The following SGCD variants were observed in gnomAD, a reference collection of about 807,000 sequenced individuals.
SGCD encodes the protein sarcoglycan delta.
SGCD carries 18 observed loss-of-function variants against 36.6 expected under a neutral mutation model. The observed-to-expected ratio is 0.49, with a 90% CI of 0.34 to 0.73. The LOEUF (loss-of-function observed/expected upper bound fraction) is 0.73. Among genes scored for constraint, SGCD ranks in the 30% least tolerant of loss-of-function variants. The pLI is 0.01. For synonymous variants in SGCD, 133 were observed against 130.6 expected (o/e 1.02, Z -0.12); for missense variants, 387 against 346.7 (o/e 1.12, Z -0.92).
intron 3 of SGCD, among the ~76,000 whole-genome samples, chr5:156,169,278 C>T (rs1328028133): frequency 1.3e-5 from 2 of 152,146 alleles, no homozygotes; most frequent in Admixed American, 1.3e-4. Context: ...CCTCTTGGGC[C>T]CCGATGCTCT....
intron 6 of SGCD, among the ~76,000 whole-genome samples, chr5:156,615,324 A>G (rs1761979095): frequency 6.6e-6 from 1 of 152,246 alleles, no homozygotes; most frequent in South Asian, 2.1e-4. Flanking sequence ...AGTTGTATTT[A>G]TACTGTAGAT....
chr5:156,583,184 C>T (rs1340708921), intron 4 of SGCD, among the ~76,000 whole-genome samples: 1 of 152,118 alleles, frequency 6.6e-6, no homozygotes, highest in African/African-American at 2.4e-5. Context: ...GAAGGCAATG[C>T]CAACTGTGCA....
intron 4 of SGCD, among the ~76,000 whole-genome samples, chr5:156,527,647 T>G (rs1757699098): frequency 6.6e-6 from 1 of 152,250 alleles, no homozygotes; most frequent in Non-Finnish European, 1.5e-5. Context: ...AAGCTGGATC[T>G]GGATATAATC....
chr5:156,384,246 G>A (rs554040854), intron 3 of SGCD, among the ~76,000 whole-genome samples: 6 of 152,118 alleles, frequency 3.9e-5, no homozygotes, highest in Middle Eastern at 3.2e-3. Flanking sequence ...TTCCTACTTC[G>A]TTAGTCTACT....
At chr5:155,867,916 C>T (rs1003287577), upstream of SGCD, among the ~76,000 whole-genome samples, 4 of 152,164 alleles carry the variant, frequency 2.6e-5, no homozygotes, top group African/African-American at 9.7e-5. Context: ...TGAGTCAGTC[C>T]TGGATCCCCA....
intron 3 of SGCD, among the ~76,000 whole-genome samples, chr5:156,503,378 C>T (rs1756540637): frequency 6.6e-6 from 1 of 152,016 alleles, no homozygotes; most frequent in Non-Finnish European, 1.5e-5. Flanking sequence ...GTTAGGATCC[C>T]TTCGACTCTG....
chr5:155,925,646 TG>T (rs1756981103), intron 1 of SGCD, among the ~76,000 whole-genome samples: 1 of 152,194 alleles, frequency 6.6e-6, no homozygotes, highest in African/African-American at 2.4e-5. Context: ...GGCAGGATCT[TG>T]CTCTGCTGCC....
chr5:156,173,265 C>A (rs1488163445), intron 3 of SGCD, among the ~76,000 whole-genome samples: 1 of 152,008 alleles, frequency 6.6e-6, no homozygotes, highest in African/African-American at 2.4e-5. Context: ...ACAAAAAATA[C>A]CACATGTGGA....
intron 1 of SGCD, among the ~76,000 whole-genome samples, chr5:155,970,229 CA>C (rs1309984364): frequency 6.6e-6 from 1 of 152,112 alleles, no homozygotes; most frequent in African/African-American, 2.4e-5. Context: ...TTTCACCCAT[CA>C]GCTTACTCTT....
intron 1 of SGCD, among the ~76,000 whole-genome samples, chr5:155,935,393 A>G (rs1580998879): frequency 1.3e-5 from 2 of 152,118 alleles, no homozygotes; most frequent in Admixed American, 6.5e-5. Flanking sequence ...AAGATAGGAG[A>G]GGTCACTGCC....
At chr5:155,858,622 T>C in the SGCD span, among the ~76,000 whole-genome samples, 1 of 152,202 alleles carries the variant, frequency 6.6e-6, no homozygotes, top group African/African-American at 2.4e-5. Context: ...TGTAATATAA[T>C]TAAGTTATCT....
At chr5:156,125,332 T>C (rs565572390) in intron 3 of SGCD, among the ~76,000 whole-genome samples, 57 of 152,252 alleles carry the variant, frequency 3.7e-4, no homozygotes, top group African/African-American at 1.3e-3. Flanking sequence ...TCACATTAGT[T>C]ACAGTCACAG....
intron 3 of SGCD, among the ~76,000 whole-genome samples, chr5:156,257,154 C>T (rs1356733314): frequency 3.0e-5 from 4 of 132,748 alleles, no homozygotes; most frequent in Non-Finnish European, 6.3e-5. Flanking sequence ...CCAGCCTGGA[C>T]CCTGTCTTCA....
At chr5:156,597,289 G>A (rs1760966702) in intron 6 of SGCD, among the ~76,000 whole-genome samples, 1 of 150,626 alleles carries the variant, frequency 6.6e-6, no homozygotes, top group East Asian at 1.9e-4. Flanking sequence ...ATATTAGTCT[G>A]TTCTCACCCT....
At chr5:156,448,908 C>T (rs1190803944) in intron 3 of SGCD, among the ~76,000 whole-genome samples, 1 of 151,594 alleles carries the variant, frequency 6.6e-6, no homozygotes, top group Non-Finnish European at 1.5e-5. Context: ...CCCAACCCCA[C>T]CACACCCAGC....
At chr5:156,154,865 TGCC>T (rs1475134387) in intron 3 of SGCD, among the ~76,000 whole-genome samples, 9 of 151,634 alleles carry the variant, frequency 5.9e-5, no homozygotes, top group African/African-American at 2.2e-4. Flanking sequence ...TGAAAATCAC[TGCC>T]CTGCAACATG....
At chr5:155,884,383 C>T (rs1224398139) in intron 1 of SGCD, among the ~76,000 whole-genome samples, 2 of 152,146 alleles carry the variant, frequency 1.3e-5, no homozygotes, top group Non-Finnish European at 2.9e-5. Context: ...TTCTCTGCCA[C>T]GATGCCTGGG....
At chr5:155,902,065 A>G (rs959199411) in intron 1 of SGCD, among the ~76,000 whole-genome samples, 1 of 152,154 alleles carries the variant, frequency 6.6e-6, no homozygotes, top group African/African-American at 2.4e-5. Context: ...AGGCTCCCAC[A>G]GTTTTGGATC....
At chr5:156,477,894 C>T (rs992306976) in intron 3 of SGCD, among the ~76,000 whole-genome samples, 6 of 151,936 alleles carry the variant, frequency 3.9e-5, no homozygotes, top group African/African-American at 1.5e-4. Flanking sequence ...GAATGGTTAA[C>T]AGTAGAGAAA....
Sources: allele counts gnomAD v4.1 joint callset (sites outside exome capture counted in the v4.1 genomes callset), GRCh38; gene constraint gnomAD v4.1.1; transcripts MANE v1.5; gene names NCBI Gene and HGNC (gene_info 2026-07-23, HGNC 2026-07-21).